GNAI3: variants seen among roughly 807,000 people sequenced by gnomAD.
GNAI3 encodes the protein G protein subunit alpha i3, also known as guanine nucleotide-binding protein G(i) subunit alpha-3.
A neutral mutation model predicts 41.8 loss-of-function variants in GNAI3; 12 were observed. The observed-to-expected ratio is 0.29, with a 90% CI of 0.18 to 0.47. The LOEUF is 0.47. GNAI3 is among the 20% of genes least tolerant of loss of function. The probability of loss-of-function intolerance (pLI) is 1.00; values close to 1 mark genes in which losing one functional copy is unlikely to be tolerated. For synonymous variants in GNAI3, 132 were observed against 146.5 expected, an observed-to-expected ratio of 0.90 and a Z score of 0.71; for missense variants, 360 against 429.6, an observed-to-expected ratio of 0.84 and a Z score of 1.43.
chr1:109,551,938 G>A (rs542836959), intron 1 of GNAI3, among the ~76,000 whole-genome samples: 1 of 152,084 alleles, frequency 6.6e-6, no homozygotes, highest in African/African-American at 2.4e-5. Flanking sequence ...GAGGCTGGTG[G>A]ATCACCTGAG....
chr1:109,585,809 G>A (rs776833772), intron 5 of GNAI3, among the ~76,000 whole-genome samples: 6 of 152,160 alleles, frequency 3.9e-5, no homozygotes, highest in Admixed American at 6.5e-5. Context: ...AAGATGTTTA[G>A]TAGTAGTGTC....
intron 1 of GNAI3, among the ~76,000 whole-genome samples, chr1:109,552,115 T>G (rs982026817): frequency 3.3e-5 from 5 of 151,506 alleles, no homozygotes; most frequent in South Asian, 4.2e-4. Context: ...TGAGCAGAGA[T>G]GACGCCACTG....
intron 3 of GNAI3, among the ~76,000 whole-genome samples, chr1:109,574,942 A>G (rs1433095205): frequency 6.6e-6 from 1 of 152,240 alleles, no homozygotes; most frequent in Non-Finnish European, 1.5e-5. Flanking sequence ...GCGAATTTAT[A>G]TTTGATAAAA....
chr1:109,577,588 T>C (rs1249454935), intron 3 of GNAI3, among the ~76,000 whole-genome samples: 1 of 152,138 alleles, frequency 6.6e-6, no homozygotes, highest in Non-Finnish European at 1.5e-5. Context: ...TAAGGTGTCT[T>C]AGAGTTGAGC....
At chr1:109,558,247 G>GCCC (rs1452512285) in intron 1 of GNAI3, among the ~76,000 whole-genome samples, 2 of 151,908 alleles carry the variant, frequency 1.3e-5, no homozygotes, top group Non-Finnish European at 2.9e-5. Flanking sequence ...ACATGGTGAA[G>GCCC]CCCCGTCTTT....
chr1:109,557,386 G>A (rs1648186543), intron 1 of GNAI3, among the ~76,000 whole-genome samples: 1 of 152,128 alleles, frequency 6.6e-6, no homozygotes, highest in Non-Finnish European at 1.5e-5. Context: ...TTTAGGGCAG[G>A]AGGACTAAGT....
At chr1:109,557,570 C>T (rs758868637) in intron 1 of GNAI3, among the ~76,000 whole-genome samples, 2 of 152,152 alleles carry the variant, frequency 1.3e-5, no homozygotes, top group Non-Finnish European at 2.9e-5. Flanking sequence ...AAATGAAATA[C>T]AGGTAGGTTG....
intron 5 of GNAI3, among the ~76,000 whole-genome samples, chr1:109,583,968 G>A (rs911530860): frequency 6.6e-6 from 1 of 152,140 alleles, no homozygotes; most frequent in South Asian, 2.1e-4. Context: ...TGTTTATTTT[G>A]GTTCCCATTT....
rs1320143144 is a variant in GNAI3 at position 109,586,266 on chromosome 1, G to C, written c.641G>C (p.Cys214Ser). The change falls in exon 6 of 9, where the codon TGT (cysteine) becomes TCT (serine). Residue 214 changes from cysteine (C) to serine (S), a missense_variant. Coordinates refer to ENST00000369851, the MANE Select transcript of GNAI3 (RefSeq NM_006496.4). ...TCAGAACGAAAAAAGTGGATTCACTGTTTTGAGGGAGTGACAGCAATTATC... is the reference window on the plus strand; with the variant it reads ...TCAGAACGAAAAAAGTGGATTCACTCTTTTGAGGGAGTGACAGCAATTATC... ...QRSERKKWIH[C>S]FEGVTAIIFC... 6.2e-7 allele frequency: 1 copy of C among 1,613,066 alleles called. No homozygotes were observed. Among genetic ancestry groups the C allele is most frequent in the Non-Finnish European group, 8.5e-7 (1 of 1,179,224 alleles).
chr1:109,574,099 A>G (rs1648678386), intron 3 of GNAI3, 62 bp downstream of exon 3: 2 of 1,288,122 alleles, frequency 1.6e-6, no homozygotes, highest in Admixed American at 2.4e-5. Flanking sequence ...AAGTTAAGCA[A>G]AATTTTTGCT....
chr1:109,555,914 T>G (rs1648126454), intron 1 of GNAI3, among the ~76,000 whole-genome samples: 1 of 151,626 alleles, frequency 6.6e-6, no homozygotes, highest in Admixed American at 6.6e-5. Context: ...CTTCCTTCCC[T>G]GGTTTCTTCT....
chr1:109,584,132 C>T (rs1348873795), intron 5 of GNAI3, among the ~76,000 whole-genome samples: 2 of 152,106 alleles, frequency 1.3e-5, no homozygotes, highest in Non-Finnish European at 2.9e-5. Flanking sequence ...TCAGTTCTTT[C>T]TCTGAAAACA....
intron 5 of GNAI3, among the ~76,000 whole-genome samples, chr1:109,585,921 A>T (rs1309600789): frequency 6.6e-6 from 1 of 152,054 alleles, no homozygotes; most frequent in African/African-American, 2.4e-5. Flanking sequence ...TCCTTCCTTT[A>T]ATCCATTTCA....
rs190355785 is a variant in GNAI3, at chr1:109,595,040, G to A, written c.*2718G>A. 148 of 152,308 alleles carry A rather than the reference G, an allele frequency of 9.7e-4. No homozygotes were observed. The highest frequency in any genetic ancestry group is 3.4e-3 in the African/African-American group (142 of 41,570). 9.4% of individuals were successfully genotyped at this position (152,308 alleles called of 1,614,324 possible). On this transcript the variant is annotated 3_prime_UTR_variant, in exon 9 of 9. Transcript: ENST00000369851. Reference sequence around the variant, plus strand: ...TATTTTCTTGTAGCAGGGCTAAAATGTGGGATGAAACATTAAATCTACTAG... The same window carrying A: ...TATTTTCTTGTAGCAGGGCTAAAATATGGGATGAAACATTAAATCTACTAG...
chr1:109,577,724 A>C (rs1648787668), intron 3 of GNAI3, among the ~76,000 whole-genome samples: 1 of 152,230 alleles, frequency 6.6e-6, no homozygotes, highest in East Asian at 1.9e-4. Flanking sequence ...TACTAGGTAA[A>C]AACCATTAGA....
Position 109,582,584 on chromosome 1 carries a change from T to A in GNAI3, c.590+19T>A, listed in dbSNP as rs754453509. On this transcript the variant is annotated intron_variant, in intron 5 of 8. Coordinates refer to ENST00000369851, the MANE Select transcript of GNAI3 (RefSeq NM_006496.4). ...ACTTCAAGTAAGTCATTAGCCTTTTTGCTAGGTGTGCCAAATACAAGTATC... is the reference window on the plus strand; with the variant it reads ...ACTTCAAGTAAGTCATTAGCCTTTTAGCTAGGTGTGCCAAATACAAGTATC... The A allele has an allele frequency of 1.3e-6, 2 of 1,574,980 alleles. No individual in the cohort carries two copies. The highest frequency in any genetic ancestry group is 1.7e-6 in the Non-Finnish European group (2 of 1,145,102).
chr1:109,555,001 A>G (rs1034979082), intron 1 of GNAI3, among the ~76,000 whole-genome samples: 1 of 152,222 alleles, frequency 6.6e-6, no homozygotes, highest in African/African-American at 2.4e-5. Context: ...TACAAGGAAA[A>G]CTACAAAACA....
intron 1 of GNAI3, among the ~76,000 whole-genome samples, chr1:109,565,026 G>T (rs1364138848): frequency 6.6e-6 from 1 of 152,044 alleles, no homozygotes. Context: ...ACTTTGGGAG[G>T]CCGAGGCTGG....
intron 1 of GNAI3, among the ~76,000 whole-genome samples, chr1:109,567,840 C>A (rs1371193531): frequency 6.6e-6 from 1 of 152,018 alleles, no homozygotes; most frequent in East Asian, 1.9e-4. Context: ...TTTATTGACC[C>A]CCATTCAGAT....
Sources: allele counts gnomAD v4.1 joint callset (sites outside exome capture counted in the v4.1 genomes callset), GRCh38; gene constraint gnomAD v4.1.1; transcripts MANE v1.5; gene names NCBI Gene and HGNC (gene_info 2026-07-23, HGNC 2026-07-21).